Variants in KCNQ1 observed in about 807,000 individuals in gnomAD.
KCNQ1 encodes the protein potassium voltage-gated channel subfamily Q member 1.
Under a neutral mutation model 72.4 loss-of-function variants are expected in KCNQ1, and 49 were observed. That is an observed-to-expected ratio of 0.68 (90% CI 0.54 to 0.86). The LOEUF (loss-of-function observed/expected upper bound fraction) is 0.86, where lower values mean the gene tolerates loss of function less well. KCNQ1 is among the 40% of genes least tolerant of loss of function. The probability of loss-of-function intolerance (pLI) is 0.00; values close to 1 mark genes in which losing one functional copy is unlikely to be tolerated. For missense variants in KCNQ1, 790 were observed against 945.1 expected (o/e 0.84, Z 2.15); for synonymous variants, 450 against 412.6 (o/e 1.09, Z -1.10).
rs1292352735 is a variant in KCNQ1, at chr11:2,468,125, G to T, written c.386+22641G>T. Among the ~76,000 whole-genome samples, 1 of 152,220 alleles carries T rather than the reference G, an allele frequency of 6.6e-6. No individual in the cohort carries two copies. The highest frequency in any genetic ancestry group is 1.9e-4 in the East Asian group (1 of 5,190). ...CTCCTGGGCTCCCAACCTTTCACAG[G>T]CCACAGGCCCATTCCCAGAAGTTTA... On this transcript the variant is annotated intron_variant, in intron 1 of 15. Coordinates refer to ENST00000155840, the MANE Select transcript of KCNQ1 (RefSeq NM_000218.3). This position sits in a 1 kb window ranked among gnomAD's most constrained non-coding sequence, Gnocchi z 5.7.
At chr11:2,733,524 G>T (rs1255450651) in intron 11 of KCNQ1, among the ~76,000 whole-genome samples, 1 of 152,036 alleles carries the variant, frequency 6.6e-6, no homozygotes, top group Non-Finnish European at 1.5e-5. Flanking sequence ...TAGTTGCAAA[G>T]ATACAGGTAG....
chr11:2,803,154 GC>G lies in KCNQ1; in HGVS notation c.1794+25128del, dbSNP rs67308056. Among the ~76,000 whole-genome samples the G allele has an allele frequency of 0.016, 349 of 21,424 alleles. 6 individuals are homozygous for G. The highest frequency in any genetic ancestry group is 0.034 in the African/African-American group (290 of 8,408). 14.1% of individuals were successfully genotyped at this position (21,424 alleles called of 152,430 possible). A position where few individuals can be genotyped will look rare whatever the true frequency, so the allele number is the denominator to read the frequency against. ...AGGGTAGCCCAGAAAACCCAGCCGG[GC>G]CCCCCCCCCCACGGGCACCCAGGAA... On this transcript the variant is annotated intron_variant, in intron 15 of 15. Coordinates refer to ENST00000155840, the MANE Select transcript of KCNQ1 (RefSeq NM_000218.3). This position sits in a 1 kb window ranked among gnomAD's most constrained non-coding sequence, Gnocchi z 6.4.
chr11:2,682,265 A>G lies in KCNQ1; in HGVS notation c.1514+20184A>G. On this transcript the variant is annotated intron_variant, in intron 11 of 15. Transcript: ENST00000155840. This position sits in a 1 kb window ranked among gnomAD's most constrained non-coding sequence, Gnocchi z 5.8. Reference sequence around the variant, plus strand: ...CTTCCTCAGAGGAGCCAATTTCTAAAGCTTAAGACTGGGCTGTAAAAAATC... The same window carrying G: ...CTTCCTCAGAGGAGCCAATTTCTAAGGCTTAAGACTGGGCTGTAAAAAATC... 1 of 398,568 alleles carries G rather than the reference A, an allele frequency of 2.5e-6. No individual in the cohort carries two copies. Among genetic ancestry groups the G allele is most frequent in the South Asian group, 1.3e-4 (1 of 7,858 alleles). The allele number at this position is 398,568 out of a possible 1,614,324, so 24.7% of individuals were successfully genotyped here. A position where few individuals can be genotyped will look rare whatever the true frequency, so the allele number is the denominator to read the frequency against.
Position 2,733,610 on chromosome 11 carries a change from G to A in KCNQ1, c.1515-35234G>A, listed in dbSNP as rs190249437. Among the ~76,000 whole-genome samples, 448 of 152,104 alleles carry A rather than the reference G, an allele frequency of 2.9e-3. 1 individual carries two copies. Among genetic ancestry groups the A allele is most frequent in the African/African-American group, 9.9e-3 (413 of 41,514 alleles). Reference sequence around the variant, plus strand: ...AGCTCCTAGGGAGACAGTCGGGCACGGTGGGCACCTTGAGAGGAAGAACAG... The same window carrying A: ...AGCTCCTAGGGAGACAGTCGGGCACAGTGGGCACCTTGAGAGGAAGAACAG... On this transcript the variant is annotated intron_variant, in intron 11 of 15. Transcript: ENST00000155840.
chr11:2,801,516 CTG>C (rs1847263179), intron 15 of KCNQ1, among the ~76,000 whole-genome samples: 2 of 152,240 alleles, frequency 1.3e-5, no homozygotes, highest in African/African-American at 4.8e-5. Flanking sequence ...GGCCCTTCCT[CTG>C]TGCTTACACA....
intron 11 of KCNQ1, chr11:2,667,887 C>T (rs1450956683): frequency 7.5e-6 from 3 of 398,494 alleles, no homozygotes; most frequent in African/African-American, 2.1e-5. Context: ...GTCTCAAGTG[C>T]GCAGCTTGAG....
chr11:2,760,433 G>A (rs1483131297), intron 11 of KCNQ1, among the ~76,000 whole-genome samples: 1 of 152,196 alleles, frequency 6.6e-6, no homozygotes, highest in East Asian at 1.9e-4. Context: ...ACAGGTCAGT[G>A]GGTGCATGAA....
intron 12 of KCNQ1, among the ~76,000 whole-genome samples, chr11:2,771,858 G>A (rs1034514483): frequency 6.6e-6 from 1 of 152,196 alleles, no homozygotes; most frequent in African/African-American, 2.4e-5. Flanking sequence ...CAGACAGGAG[G>A]GAGTGGGTCC....
rs1233922485 is a variant in KCNQ1, at chr11:2,690,129, A to G, written c.1514+28048A>G. ...CGGGGTTAGAACTGGGGGAGCAGGG[A>G]CAAAAAGCGGGCAGCCCTCCCCAGC... On this transcript the variant is annotated intron_variant, in intron 11 of 15. Transcript: ENST00000155840. The surrounding 1 kb of genome is among the most constrained non-coding windows in gnomAD (Gnocchi z 5.1). 1.0e-5 allele frequency: 4 copies of G among 398,848 alleles called. No individual in the cohort carries two copies. The highest frequency in any genetic ancestry group is 8.2e-5 in the African/African-American group (4 of 48,642). 24.7% of individuals were successfully genotyped at this position (398,848 alleles called of 1,614,324 possible).
rs1181726822 is a variant in KCNQ1 at position 2,566,895 on chromosome 11, A to G, written c.478-3733A>G. 6.9e-6 allele frequency among the ~76,000 whole-genome samples: 1 copy of G among 145,094 alleles called. No homozygotes were observed. The highest frequency in any genetic ancestry group is 2.6e-5 in the African/African-American group (1 of 38,966). ...GAGTCAGGAAGTACCCCGGTTCTGTACCTGTAGTGGATGGGGCTCTCAGAG... is the reference window on the plus strand; with the variant it reads ...GAGTCAGGAAGTACCCCGGTTCTGTGCCTGTAGTGGATGGGGCTCTCAGAG... On this transcript the variant is annotated intron_variant, in intron 2 of 15. Coordinates refer to ENST00000155840, the MANE Select transcript of KCNQ1 (RefSeq NM_000218.3). This position sits in a 1 kb window ranked among gnomAD's most constrained non-coding sequence, Gnocchi z 6.7.
At chr11:2,511,901 C>T (rs1847212315) in intron 1 of KCNQ1, among the ~76,000 whole-genome samples, 2 of 152,200 alleles carry the variant, frequency 1.3e-5, no homozygotes, top group Admixed American at 6.5e-5. Flanking sequence ...GGGAAAAACC[C>T]GCGGTTTTCC....
At chr11:2,561,921 C>T (rs942321372) in intron 2 of KCNQ1, among the ~76,000 whole-genome samples, 2 of 151,926 alleles carry the variant, frequency 1.3e-5, no homozygotes, top group Admixed American at 6.5e-5. Flanking sequence ...ACGGGCTGCA[C>T]GTTCCATGGG....
rs573568726 is a variant in KCNQ1 at position 2,521,249 on chromosome 11, C to T, written c.387-6679C>T. ...TCCCCGGCCCCGCCATCCTGCTCTC[C>T]GCAACCGTGGATCCGTCCTCCCCAT... is the stretch of plus-strand genomic sequence containing the variant. On this transcript the variant is annotated intron_variant, in intron 1 of 15. Coordinates refer to ENST00000155840, the MANE Select transcript of KCNQ1 (RefSeq NM_000218.3). Among the ~76,000 whole-genome samples the T allele has an allele frequency of 5.3e-5, 8 of 152,128 alleles. No individual in the cohort carries two copies. The East Asian group carries it at 5.8e-4, about 11-fold the overall frequency.
intron 10 of KCNQ1, chr11:2,610,163 C>T (rs1848955436): frequency 2.5e-6 from 1 of 397,594 alleles, no homozygotes; most frequent in Non-Finnish European, 4.4e-6. Context: ...TATGATTCTT[C>T]AATATTCTAT....
Position 2,658,770 on chromosome 11 carries a change from C to G in KCNQ1, c.1394-3191C>G, listed in dbSNP as rs569025027. 4 of 398,450 alleles carry G rather than the reference C, an allele frequency of 1.0e-5. No individual in the cohort carries two copies. The highest frequency in any genetic ancestry group is 8.2e-5 in the African/African-American group (4 of 48,618). 24.7% of individuals were successfully genotyped at this position (398,450 alleles called of 1,614,324 possible). On this transcript the variant is annotated intron_variant, in intron 10 of 15. Coordinates refer to ENST00000155840, the MANE Select transcript of KCNQ1 (RefSeq NM_000218.3). The surrounding 1 kb of genome is among the most constrained non-coding windows in gnomAD (Gnocchi z 4.9). Reference sequence around the variant, plus strand: ...AAAGCTAACCATGAGTTCATACTGACATTTCTGACCAGAGTTCATCCTTGC... The same window carrying G: ...AAAGCTAACCATGAGTTCATACTGAGATTTCTGACCAGAGTTCATCCTTGC...
At position 2,654,534 on chromosome 11, in the gene KCNQ1, T is replaced by G; in HGVS notation, c.1394-7427T>G. 2.5e-6 allele frequency: 1 copy of G among 398,602 alleles called. No individual in the cohort carries two copies. Among genetic ancestry groups the G allele is most frequent in the Non-Finnish European group, 4.4e-6 (1 of 226,188 alleles). 24.7% of individuals were successfully genotyped at this position (398,602 alleles called of 1,614,324 possible). On this transcript the variant is annotated intron_variant, in intron 10 of 15. Transcript: ENST00000155840. This position sits in a 1 kb window ranked among gnomAD's most constrained non-coding sequence, Gnocchi z 6.4. ...CCTGGAAAGCTTGTGGAAGAGGGCT[T>G]GGGTTACACCTGGGAGATTAGGCCG... is the stretch of plus-strand genomic sequence containing the variant.
chr11:2,831,419 C>T (rs750950719), intron 15 of KCNQ1, among the ~76,000 whole-genome samples: 5 of 152,032 alleles, frequency 3.3e-5, no homozygotes, highest in South Asian at 2.1e-4. Flanking sequence ...GTGGGGCTGT[C>T]GAAGGTGCTT....
chr11:2,657,253 C>T lies in KCNQ1; in HGVS notation c.1394-4708C>T, dbSNP rs1485231424. On this transcript the variant is annotated intron_variant, in intron 10 of 15. Transcript: ENST00000155840. The surrounding 1 kb of genome is among the most constrained non-coding windows in gnomAD (Gnocchi z 4.8). ...GAATCAGCTTGCCAAAGTTCTCACA[C>T]AGAAGCCTTGAGATTTTTATTAAGA... The T allele has an allele frequency of 1.0e-5, 4 of 398,544 alleles. No homozygotes were observed. The highest frequency in any genetic ancestry group is 6.2e-5 in the African/African-American group (3 of 48,644). The allele number at this position is 398,544 out of a possible 1,614,324, so 24.7% of individuals were successfully genotyped here.
rs939327397 is a variant in KCNQ1 at position 2,772,532 on chromosome 11, T to C, written c.1591-3428T>C. 5.3e-5 allele frequency among the ~76,000 whole-genome samples: 8 copies of C among 152,104 alleles called. No individual in the cohort carries two copies. The highest frequency in any genetic ancestry group is 1.7e-4 in the African/African-American group (7 of 41,430). On this transcript the variant is annotated intron_variant, in intron 12 of 15. Coordinates refer to ENST00000155840, the MANE Select transcript of KCNQ1 (RefSeq NM_000218.3). This position sits in a 1 kb window ranked among gnomAD's most constrained non-coding sequence, Gnocchi z 6.6. ...AACCGTATCCTAGCAGGCATCTCAG[T>C]GGCTCCAGGATAAGTCTCTGTGGGC... is the stretch of plus-strand genomic sequence containing the variant.
Sources: allele counts gnomAD v4.1 joint callset (sites outside exome capture counted in the v4.1 genomes callset), GRCh38; gene constraint gnomAD v4.1.1; non-coding constraint Gnocchi (gnomAD v3.1); transcripts MANE v1.5; gene names NCBI Gene and HGNC (gene_info 2026-07-23, HGNC 2026-07-21).